Variants in ACYP2 observed in about 807,000 individuals in gnomAD.
ACYP2 encodes acylphosphatase 2, also known as acylphosphatase-2.
In ACYP2, 12 loss-of-function variants were observed where a neutral mutation model predicts 11.2. The observed-to-expected ratio is 1.08, with a 90% CI of 0.69 to 1.74. The LOEUF (loss-of-function observed/expected upper bound fraction) is 1.74, where lower values mean the gene tolerates loss of function less well. ACYP2 is among the 40% of genes most tolerant of loss of function. ACYP2 has a pLI of 0.00. For missense variants in ACYP2, 134 were observed against 101.9 expected, an observed-to-expected ratio of 1.31 and a Z score of -1.35; for synonymous variants, 43 against 32.2, an observed-to-expected ratio of 1.33 and a Z score of -1.13.
At chr2:53,997,920 G>A (rs1329259841) in intron 2 of ACYP2, among the ~76,000 whole-genome samples, 2 of 152,136 alleles carry the variant, frequency 1.3e-5, no homozygotes, top group Non-Finnish European at 2.9e-5. Flanking sequence ...AAAGACTAGG[G>A]CAGAATTCTA....
At chr2:54,164,717 A>G (rs1255916761) in intron 6 of ACYP2, among the ~76,000 whole-genome samples, 1 of 152,136 alleles carries the variant, frequency 6.6e-6, no homozygotes, top group Non-Finnish European at 1.5e-5. Flanking sequence ...TTTTGTTTTT[A>G]GTTCTGGGAT....
intron 2 of ACYP2, among the ~76,000 whole-genome samples, chr2:54,038,779 C>A (rs1463064645): frequency 1.8e-5 from 2 of 108,148 alleles, no homozygotes; most frequent in Admixed American, 2.1e-4. Context: ...TTGGAGCTCA[C>A]ATTTTGGTTG....
At chr2:54,299,591 C>CAAAAA (rs1213298753) in intron 6 of ACYP2, among the ~76,000 whole-genome samples, 2 of 79,408 alleles carry the variant, frequency 2.5e-5, no homozygotes, top group African/African-American at 3.7e-5. Flanking sequence ...GACTCTGTCT[C>CAAAAA]AAAAAAAAAA....
intron 6 of ACYP2, among the ~76,000 whole-genome samples, chr2:54,140,206 G>C (rs966301562): frequency 1.3e-5 from 2 of 152,098 alleles, no homozygotes; most frequent in African/African-American, 4.8e-5. Flanking sequence ...TAGTTCAATG[G>C]AAGAGAAAAT....
intron 5 of ACYP2, 112 bp from the exon 3 acceptor site, chr2:54,138,527 G>T: frequency 1.4e-6 from 1 of 739,152 alleles, no homozygotes. Context: ...TGTTGGCATT[G>T]ACTACAAAAA....
At position 54,112,232 on chromosome 2, in the gene ACYP2, G is replaced by A. The variant is rs535794167; in HGVS notation, c.278-23221G>A. ...CAATTGTCTTAAAGGGTTCAAAGAA[G>A]GGAATTAACAGGTTTTAATTTCAAC... is the stretch of plus-strand genomic sequence containing the variant. On this transcript the variant is annotated intron_variant, in intron 4 of 6. Coordinates refer to ENST00000607452, the MANE Select transcript of ACYP2 (RefSeq NM_001320586.2). 3.3e-5 allele frequency among the ~76,000 whole-genome samples: 5 copies of A among 152,096 alleles called. No homozygotes were observed. In the South Asian group the frequency reaches 8.3e-4, roughly 25 times the overall value.
At chr2:54,128,120 C>T (rs1459125761) in intron 4 of ACYP2, among the ~76,000 whole-genome samples, 1 of 152,156 alleles carries the variant, frequency 6.6e-6, no homozygotes, top group Admixed American at 6.5e-5. Flanking sequence ...TGAGATCCAA[C>T]AGGGGGATGA....
At chr2:54,139,312 A>G (rs1421619) in intron 6 of ACYP2, among the ~76,000 whole-genome samples, 10,251 of 152,260 alleles carry the variant, frequency 0.067, 527 homozygotes, top group East Asian at 0.3. Flanking sequence ...TCTCCTTTTT[A>G]CAGTTAAGTG....
intron 6 of ACYP2, among the ~76,000 whole-genome samples, chr2:54,266,418 G>A (rs1688019796): frequency 6.6e-6 from 1 of 151,888 alleles, no homozygotes; most frequent in Admixed American, 6.6e-5. Flanking sequence ...GATAGTAAAT[G>A]TTTTTCCAAC....
chr2:54,280,178 A>G (rs539594559), intron 6 of ACYP2, among the ~76,000 whole-genome samples: 6 of 152,364 alleles, frequency 3.9e-5, no homozygotes, highest in African/African-American at 1.4e-4. Flanking sequence ...CATCCCTGGC[A>G]AACAGATGAG....
intron 4 of ACYP2, among the ~76,000 whole-genome samples, chr2:54,075,971 G>C (rs1677319514): frequency 6.6e-6 from 1 of 152,028 alleles, no homozygotes; most frequent in South Asian, 2.1e-4. Flanking sequence ...CTTTGTAGCA[G>C]ATATTTCGAG....
intron 6 of ACYP2, among the ~76,000 whole-genome samples, chr2:54,278,325 G>GT (rs1688703540): frequency 6.6e-6 from 1 of 152,208 alleles, no homozygotes; most frequent in South Asian, 2.1e-4. Flanking sequence ...TCTATGAAAG[G>GT]TTTTTTAGTG....
chr2:54,196,201 ATATTT>A (rs1684473387), intron 6 of ACYP2, among the ~76,000 whole-genome samples: 1 of 151,888 alleles, frequency 6.6e-6, no homozygotes, highest in African/African-American at 2.4e-5. Flanking sequence ...GATATTTAAC[ATATTT>A]TATTTTTTCA....
At chr2:54,250,306 G>T (rs1032527074) in intron 6 of ACYP2, among the ~76,000 whole-genome samples, 1 of 152,032 alleles carries the variant, frequency 6.6e-6, no homozygotes, top group East Asian at 1.9e-4. Context: ...GTGAAACCCT[G>T]TTTCTACTAA....
At chr2:54,210,728 A>C (rs17045654) in intron 6 of ACYP2, among the ~76,000 whole-genome samples, 36,565 of 132,374 alleles carry the variant, frequency 0.28, 4,573 homozygotes, top group East Asian at 0.43. Flanking sequence ...AGGCTCATTA[A>C]GTCTTTTTTT....
At chr2:54,177,286 C>T (rs749662425) in intron 6 of ACYP2, among the ~76,000 whole-genome samples, 136 of 152,212 alleles carry the variant, frequency 8.9e-4, no homozygotes, top group Non-Finnish European at 1.5e-3. Flanking sequence ...GGATATCCCT[C>T]GTCACCAGGC....
chr2:54,149,299 C>A (rs1363838236), intron 6 of ACYP2, among the ~76,000 whole-genome samples: 1 of 152,206 alleles, frequency 6.6e-6, no homozygotes, highest in Non-Finnish European at 1.5e-5. Context: ...ATTATAGCAG[C>A]CCTGCTCTGT....
intron 6 of ACYP2, among the ~76,000 whole-genome samples, chr2:54,242,196 T>A (rs1008809346): frequency 6.6e-6 from 1 of 152,246 alleles, no homozygotes; most frequent in African/African-American, 2.4e-5. Flanking sequence ...CATTACAGAA[T>A]TGACATTCCA....
intron 6 of ACYP2, among the ~76,000 whole-genome samples, chr2:54,232,136 AT>A (rs1321899546): frequency 1.3e-5 from 2 of 152,064 alleles, no homozygotes; most frequent in African/African-American, 4.8e-5. Flanking sequence ...AATAAAGGGA[AT>A]TTTTTTCATA....
Sources: gnomAD v4.1 joint callset for allele counts (sites outside exome capture counted in the v4.1 genomes callset) on GRCh38, gnomAD v4.1.1 for gene constraint, MANE v1.5 for transcripts, NCBI Gene and HGNC (gene_info 2026-07-23, HGNC 2026-07-21) for gene names.